The following PRTFDC1 variants were observed in gnomAD, a reference collection of about 807,000 sequenced individuals.
PRTFDC1 encodes the protein phosphoribosyl transferase domain containing 1.
A neutral mutation model predicts 34.6 loss-of-function variants in PRTFDC1; 38 were observed. The ratio of observed to expected loss-of-function variants is 1.10; its 90% CI spans 0.85 to 1.44. PRTFDC1 has a LOEUF of 1.44. Among genes scored for constraint, PRTFDC1 ranks in the 40% most tolerant of loss-of-function variants. The probability of loss-of-function intolerance (pLI) is 0.00; values close to 1 mark genes in which losing one functional copy is unlikely to be tolerated. For missense variants in PRTFDC1, 270 were observed against 283.0 expected, an observed-to-expected ratio of 0.95 and a Z score of 0.33; for synonymous variants, 93 against 98.1, an observed-to-expected ratio of 0.95 and a Z score of 0.31.
At chr10:24,903,676 T>A (rs1483513641) in intron 3 of PRTFDC1, among the ~76,000 whole-genome samples, 3 of 151,832 alleles carry the variant, frequency 2.0e-5, no homozygotes, top group Non-Finnish European at 4.4e-5. Flanking sequence ...TCATTTTGTG[T>A]ATCCACTCCT....
intron 3 of PRTFDC1, among the ~76,000 whole-genome samples, chr10:24,916,625 C>T (rs1313214121): frequency 6.6e-6 from 1 of 152,184 alleles, no homozygotes; most frequent in African/African-American, 2.4e-5. Context: ...GCATGGGGAG[C>T]CTTTGTTTCT....
intron 3 of PRTFDC1, among the ~76,000 whole-genome samples, chr10:24,892,434 C>T (rs574276200): frequency 6.6e-6 from 1 of 152,000 alleles, no homozygotes; most frequent in Non-Finnish European, 1.5e-5. Context: ...TTCATAATAG[C>T]CCTTCTAGCG....
chr10:24,900,805 T>C (rs1212127196), intron 3 of PRTFDC1, among the ~76,000 whole-genome samples: 1 of 152,188 alleles, frequency 6.6e-6, no homozygotes. Context: ...CCTGGGTAAG[T>C]ACTGTTTACA....
In PRTFDC1 at chr10:24,894,223, C is replaced by T. The variant is rs139716245; in HGVS notation, c.340-22160G>A. 7.3e-3 allele frequency among the ~76,000 whole-genome samples: 1,105 copies of T among 150,800 alleles called. 18 individuals are homozygous for T. The highest frequency in any genetic ancestry group is 0.026 in the African/African-American group (1,049 of 41,046). On this transcript the variant is annotated intron_variant, in intron 3 of 8. Transcript: ENST00000320152. ...GCATGTGCCTGTAATCCCAGCTACTCGGGAGACTGAGGCAGGAGACTCGCT... is the reference window on the plus strand; with the variant it reads ...GCATGTGCCTGTAATCCCAGCTACTTGGGAGACTGAGGCAGGAGACTCGCT...
Position 24,848,865 on chromosome 10 carries a change from C to T in PRTFDC1, c.*979G>A, listed in dbSNP as rs1305081359. The T allele has an allele frequency of 6.6e-6, 1 of 152,132 alleles. No homozygotes were observed. Among genetic ancestry groups the T allele is most frequent in the Admixed American group, 6.5e-5 (1 of 15,274 alleles). The allele number at this position is 152,132 out of a possible 1,614,324, so 9.4% of individuals were successfully genotyped here. ...AAAATGTTATTCAGAAAAAAACTTT[C>T]TTGAGTGTGCTTGTTTCCTGTAGCA... is the stretch of plus-strand genomic sequence containing the variant. On this transcript the variant is annotated 3_prime_UTR_variant, in exon 9 of 9. Coordinates refer to ENST00000320152, the MANE Select transcript of PRTFDC1 (RefSeq NM_020200.7).
rs1216296341 is a variant in PRTFDC1, at chr10:24,951,230, TCTC to T, written c.48+1295_48+1297del. 7.2e-5 allele frequency among the ~76,000 whole-genome samples: 11 copies of T among 152,046 alleles called. No homozygotes were observed. The South Asian group carries it at 1.9e-3, about 26-fold the overall frequency. On this transcript the variant is annotated intron_variant, in intron 1 of 8. Coordinates refer to ENST00000320152, the MANE Select transcript of PRTFDC1 (RefSeq NM_020200.7). The stretch of plus-strand genomic sequence containing the variant: ...CTGAGCAAAAGCATCACTCCCCCCT[TCTC>T]CTCCAATTACCCTCTATCCTGTTAC...
chr10:24,919,708 G>T (rs530076917), intron 3 of PRTFDC1, among the ~76,000 whole-genome samples: 2 of 151,970 alleles, frequency 1.3e-5, no homozygotes, highest in African/African-American at 4.8e-5. Flanking sequence ...CTTATAGATG[G>T]GAGAAAATTT....
intron 3 of PRTFDC1, among the ~76,000 whole-genome samples, chr10:24,873,054 G>A (rs1267055362): frequency 6.6e-6 from 1 of 151,622 alleles, no homozygotes; most frequent in Middle Eastern, 3.2e-3. Context: ...TTGAACTCCC[G>A]AGCCCAAGTG....
intron 1 of PRTFDC1, among the ~76,000 whole-genome samples, chr10:24,948,015 C>T (rs1025639644): frequency 1.3e-5 from 2 of 152,166 alleles, no homozygotes; most frequent in Admixed American, 6.5e-5. Context: ...TATCCACATG[C>T]CTTCCTCTTC....
intron 3 of PRTFDC1, among the ~76,000 whole-genome samples, chr10:24,894,609 C>G (rs765171163): frequency 6.6e-6 from 1 of 152,164 alleles, no homozygotes; most frequent in Non-Finnish European, 1.5e-5. Flanking sequence ...GTGGATGAGG[C>G]AAAGTGGCTC....
chr10:24,897,245 G>A (rs1848383345), intron 3 of PRTFDC1, among the ~76,000 whole-genome samples: 1 of 152,126 alleles, frequency 6.6e-6, no homozygotes, highest in African/African-American at 2.4e-5. Flanking sequence ...CCCAGATGGA[G>A]AGCATTCTGA....
intron 4 of PRTFDC1, among the ~76,000 whole-genome samples, chr10:24,859,148 A>G (rs1170233719): frequency 6.6e-6 from 1 of 152,084 alleles, no homozygotes; most frequent in Non-Finnish European, 1.5e-5. Flanking sequence ...TAGCATCATC[A>G]TGCCCCTTGG....
chr10:24,939,295 C>A, intron 2 of PRTFDC1, among the ~76,000 whole-genome samples: 1 of 95,744 alleles, frequency 1.0e-5, no homozygotes, highest in Non-Finnish European at 2.0e-5. Context: ...GAGTGAAACT[C>A]TGACTCAAAA....
intron 4 of PRTFDC1, among the ~76,000 whole-genome samples, chr10:24,867,007 T>C (rs537320869): frequency 1.6e-5 from 2 of 128,076 alleles, no homozygotes; most frequent in East Asian, 4.5e-4. Context: ...GAGAAAGAAA[T>C]GGAAGAAAGA....
intron 1 of PRTFDC1, among the ~76,000 whole-genome samples, chr10:24,943,386 A>G (rs1323287667): frequency 6.6e-6 from 1 of 152,046 alleles, no homozygotes; most frequent in Non-Finnish European, 1.5e-5. Context: ...CTCGCTTAGG[A>G]CTTGATGTGC....
chr10:24,888,755 T>C (rs1588594070), intron 3 of PRTFDC1, among the ~76,000 whole-genome samples: 1 of 152,220 alleles, frequency 6.6e-6, no homozygotes, highest in African/African-American at 2.4e-5. Context: ...CCCTTAGGTC[T>C]TGGTAAGCCA....
intron 3 of PRTFDC1, among the ~76,000 whole-genome samples, chr10:24,926,442 A>G (rs1198507456): frequency 6.6e-6 from 1 of 152,096 alleles, no homozygotes; most frequent in Non-Finnish European, 1.5e-5. Context: ...CAGTGGCACA[A>G]TCTCAGCTCA....
chr10:24,849,867 C>A lies in PRTFDC1; in HGVS notation c.655G>T (p.Gly219Cys). Residue 219 changes from glycine to cysteine, a missense_variant, in exon 9 of 9, where the codon GGT becomes TGT. Coordinates refer to ENST00000320152, the MANE Select transcript of PRTFDC1 (RefSeq NM_020200.7). ...LNHICVINEH[G>C]KEKYRV Reference sequence around the variant, plus strand: ...CTTTAGACTCGATATTTTTCTTTACCGTGCTCATTGATGACGCATATGTGC... The same window carrying A: ...CTTTAGACTCGATATTTTTCTTTACAGTGCTCATTGATGACGCATATGTGC... 1 of 1,613,690 alleles carries A rather than the reference C, an allele frequency of 6.2e-7. No homozygotes were observed.
At position 24,907,024 on chromosome 10, in the gene PRTFDC1, G is replaced by A. The variant is rs150518564; in HGVS notation, c.339+30160C>T. Among the ~76,000 whole-genome samples, 310 of 152,208 alleles carry A rather than the reference G, an allele frequency of 2.0e-3. 2 individuals are homozygous for A. Among genetic ancestry groups the A allele is most frequent in the African/African-American group, 7.0e-3 (290 of 41,532 alleles). ...CTGAATATAAAAGTCATATGAACACGTTACAGAAAAATGAGATAGTATAGA... is the reference window on the plus strand; with the variant it reads ...CTGAATATAAAAGTCATATGAACACATTACAGAAAAATGAGATAGTATAGA... On this transcript the variant is annotated intron_variant, in intron 3 of 8. Coordinates refer to ENST00000320152, the MANE Select transcript of PRTFDC1 (RefSeq NM_020200.7).
Sources: gnomAD v4.1 joint callset for allele counts (sites outside exome capture counted in the v4.1 genomes callset) on GRCh38, gnomAD v4.1.1 for gene constraint, MANE v1.5 for transcripts, NCBI Gene and HGNC (gene_info 2026-07-23, HGNC 2026-07-21) for gene names.